Variants in PLXNC1 observed in about 807,000 individuals in gnomAD.
PLXNC1 encodes plexin-C1.
Under a neutral mutation model 178.2 loss-of-function variants are expected in PLXNC1, and 75 were observed. The ratio of observed to expected loss-of-function variants is 0.42; its 90% CI spans 0.35 to 0.51. The LOEUF (loss-of-function observed/expected upper bound fraction) is 0.51. PLXNC1 is among the 20% of genes least tolerant of loss of function. The probability of loss-of-function intolerance (pLI) is 0.02; values close to 1 mark genes in which losing one functional copy is unlikely to be tolerated. For missense variants in PLXNC1, 1,503 were observed against 1,984.4 expected (o/e 0.76, Z 4.61); for synonymous variants, 790 against 779.9 (o/e 1.01, Z -0.22).
intron 16 of PLXNC1, 22 bp downstream of exon 16, chr12:94,254,910 G>T (rs1274101477): frequency 6.4e-7 from 1 of 1,563,024 alleles, no homozygotes; most frequent in Admixed American, 1.8e-5. Context: ...AATTGTGTTT[G>T]TAGAAAAACA....
rs1179351606 is a variant in PLXNC1, at chr12:94,162,258, A to AG, written c.1063-6889dup. ...AAAGAGCCAGCCTACAAGGGAGTGAAGGGGGGTGGGGCTAGAAGAAGTAGC... is the reference window on the plus strand; with the variant it reads ...AAAGAGCCAGCCTACAAGGGAGTGAAGGGGGGGTGGGGCTAGAAGAAGTAGC... On this transcript the variant is annotated intron_variant, in intron 1 of 30. Coordinates refer to ENST00000258526, the MANE Select transcript of PLXNC1 (RefSeq NM_005761.3). Among the ~76,000 whole-genome samples, 8 of 152,254 alleles carry AG rather than the reference A, an allele frequency of 5.3e-5. No individual in the cohort carries two copies. In the East Asian group the frequency reaches 1.5e-3, roughly 29 times the overall value.
At chr12:94,155,783 C>G (rs774796931) in intron 1 of PLXNC1, among the ~76,000 whole-genome samples, 2 of 152,226 alleles carry the variant, frequency 1.3e-5, no homozygotes, top group Non-Finnish European at 2.9e-5. Context: ...ACGCCAGAAC[C>G]AATTCCGCAC....
intron 30 of PLXNC1, 112 bp from the exon 31 acceptor site, chr12:94,305,069 T>C (rs1968858950): frequency 1.5e-6 from 1 of 646,336 alleles, no homozygotes. Flanking sequence ...TGGAAGAAAA[T>C]GTTGGCATCT....
chr12:94,290,303 C>T (rs996264759), intron 23 of PLXNC1, among the ~76,000 whole-genome samples: 1 of 152,156 alleles, frequency 6.6e-6, no homozygotes, highest in Non-Finnish European at 1.5e-5. Context: ...CTGAGTATTG[C>T]TAAGGGGGTG....
intron 6 of PLXNC1, among the ~76,000 whole-genome samples, chr12:94,222,609 A>C (rs781722880): frequency 3.3e-5 from 5 of 152,184 alleles, no homozygotes; most frequent in Non-Finnish European, 7.4e-5. Flanking sequence ...GTCATCACCT[A>C]AATTATTTTA....
chr12:94,276,428 G>T (rs17302157), intron 21 of PLXNC1, among the ~76,000 whole-genome samples: 9,133 of 151,568 alleles, frequency 0.06, 319 homozygotes, highest in Admixed American at 0.067. Context: ...AGCTAAGCCA[G>T]GGTTTCTGGA....
chr12:94,215,847 G>T (rs890483381), intron 5 of PLXNC1, among the ~76,000 whole-genome samples: 2 of 152,030 alleles, frequency 1.3e-5, no homozygotes, highest in African/African-American at 2.4e-5. Context: ...AGTCACAGAA[G>T]AACCAACAGA....
At chr12:94,193,225 T>G (rs975128633) in intron 4 of PLXNC1, among the ~76,000 whole-genome samples, 20 of 152,186 alleles carry the variant, frequency 1.3e-4, no homozygotes, top group African/African-American at 4.8e-4. Flanking sequence ...TAATTAAAAG[T>G]GCGACCAGAT....
intron 5 of PLXNC1, among the ~76,000 whole-genome samples, chr12:94,213,976 C>T (rs1426554037): frequency 1.3e-5 from 2 of 151,848 alleles, no homozygotes; most frequent in African/African-American, 2.4e-5. Flanking sequence ...AAGCGATTCT[C>T]CTGCCTCAGC....
chr12:94,268,459 G>A (rs967767341), intron 21 of PLXNC1, among the ~76,000 whole-genome samples: 1 of 152,098 alleles, frequency 6.6e-6, no homozygotes, highest in African/African-American at 2.4e-5. Flanking sequence ...AGGCAACAGT[G>A]AGACAGAATG....
chr12:94,285,283 C>A (rs763659816), intron 23 of PLXNC1, among the ~76,000 whole-genome samples: 2 of 152,190 alleles, frequency 1.3e-5, no homozygotes, highest in African/African-American at 2.4e-5. Context: ...CTGCCAGATT[C>A]TCCCCTTGCC....
At chr12:94,223,885 G>T (rs1201678805) in intron 6 of PLXNC1, among the ~76,000 whole-genome samples, 1 of 152,154 alleles carries the variant, frequency 6.6e-6, no homozygotes, top group Non-Finnish European at 1.5e-5. Flanking sequence ...GACTTGTTTT[G>T]TTCTTATGCC....
chr12:94,268,312 T>C (rs560484331), intron 21 of PLXNC1, among the ~76,000 whole-genome samples: 2 of 152,272 alleles, frequency 1.3e-5, no homozygotes, highest in African/African-American at 4.8e-5. Flanking sequence ...TGGGAAGTAA[T>C]GTTCTCTTCT....
intron 2 of PLXNC1, among the ~76,000 whole-genome samples, chr12:94,174,014 C>G (rs1398266984): frequency 1.4e-5 from 2 of 145,692 alleles, no homozygotes; most frequent in Non-Finnish European, 3.1e-5. Context: ...GCAGTAAAGA[C>G]TAGTGTCTCC....
chr12:94,165,887 A>G (rs921901349), intron 1 of PLXNC1, among the ~76,000 whole-genome samples: 1 of 152,000 alleles, frequency 6.6e-6, no homozygotes, highest in Admixed American at 6.6e-5. Context: ...CAGAGGAGGA[A>G]GTGAGGGAAG....
intron 6 of PLXNC1, 83 bp from the exon 7 acceptor site, chr12:94,224,145 T>C: frequency 1.2e-6 from 1 of 861,500 alleles, no homozygotes; most frequent in South Asian, 1.3e-5. Flanking sequence ...GAAGCAAAAA[T>C]ATTTATCTTT....
chr12:94,304,217 A>C (rs1968774397), intron 30 of PLXNC1, 166 bp downstream of exon 30: 1 of 543,758 alleles, frequency 1.8e-6, no homozygotes, highest in South Asian at 2.6e-5. Flanking sequence ...GACCCTGTAC[A>C]TGGCTGCCCC....
chr12:94,282,336 A>G lies in PLXNC1; in HGVS notation c.3814A>G (p.Ile1272Val), dbSNP rs1436745529. ...CACACGACAGAAAGAACTTCTGGAC[A>G]TCGACAGTTCCTCCGTGATTCTTGA... ...MGTRQKELLD[I>V]DSSSVILEDG... Residue 1272 changes from isoleucine (I) to valine (V), a missense_variant, in exon 23 of 31, where the codon ATC (isoleucine) becomes GTC (valine). Around this residue, in one of 4 missense-constraint regions of PLXNC1, gnomAD observed 639 missense variants for 979.7 expected, o/e 0.65. Transcript: ENST00000258526. 3 of 1,613,998 alleles carry G rather than the reference A, an allele frequency of 1.9e-6. No homozygotes were observed. Among genetic ancestry groups the G allele is most frequent in the Middle Eastern group, 1.6e-4 (1 of 6,084 alleles).
intron 21 of PLXNC1, among the ~76,000 whole-genome samples, chr12:94,275,854 CAAAAAA>C (rs34551603): frequency 1.3e-4 from 3 of 23,074 alleles, no homozygotes; most frequent in Admixed American, 1.3e-3. Flanking sequence ...GACTCCGTCT[CAAAAAA>C]AAAAAAAAAA....
Sources: gnomAD v4.1 joint callset for allele counts (sites outside exome capture counted in the v4.1 genomes callset) on GRCh38, gnomAD v4.1.1 for gene constraint, gnomAD v4.1.1 regional missense constraint, MANE v1.5 for transcripts, NCBI Gene and HGNC (gene_info 2026-07-23, HGNC 2026-07-21) for gene names.